The following SKOR2 variants were observed in gnomAD, a reference collection of about 807,000 sequenced individuals.
SKOR2 encodes the protein LBX1 corepressor 1-like protein.
Under a neutral mutation model 69.1 loss-of-function variants are expected in SKOR2, and 47 were observed. The ratio of observed to expected loss-of-function variants is 0.68; its 90% confidence interval spans 0.54 to 0.87. The LOEUF (loss-of-function observed/expected upper bound fraction) is 0.87, where lower values mean the gene tolerates loss of function less well. SKOR2 is among the 40% of genes least tolerant of loss of function. The probability of loss-of-function intolerance (pLI) is 0.00; values close to 1 mark genes in which losing one functional copy is unlikely to be tolerated. For synonymous variants in SKOR2, 717 were observed against 672.6 expected, an observed-to-expected ratio of 1.07 and a Z score of -1.02; for missense variants, 1,404 against 1,472.2, an observed-to-expected ratio of 0.95 and a Z score of 0.76.
chr18:47,246,544 T>C, intron 2 of SKOR2, 27 bp downstream of exon 2: 1 of 1,483,494 alleles, frequency 6.7e-7, no homozygotes, highest in Non-Finnish European at 8.9e-7. Flanking sequence ...AATAATTAGC[T>C]TGAAGGAGCC....
At chr18:47,231,564 C>A (rs1228819184) in intron 4 of SKOR2, among the ~76,000 whole-genome samples, 1 of 152,016 alleles carries the variant, frequency 6.6e-6, no homozygotes, top group Non-Finnish European at 1.5e-5. Context: ...ACAACTTGGG[C>A]CGGGCGCGGT....
chr18:47,228,365 T>C (rs760829924), intron 6 of SKOR2, among the ~76,000 whole-genome samples: 1 of 152,190 alleles, frequency 6.6e-6, no homozygotes, highest in Non-Finnish European at 1.5e-5. Context: ...TTAGTGCACA[T>C]CAAAATGATG....
At chr18:47,215,005 A>AT (rs398032713) in intron 7 of SKOR2, among the ~76,000 whole-genome samples, 2 of 151,758 alleles carry the variant, frequency 1.3e-5, no homozygotes, top group Non-Finnish European at 2.9e-5. Flanking sequence ...AAAAAAAAAA[A>AT]GTGACTTCCT....
At chr18:47,235,906 G>A (rs1460520183) in intron 4 of SKOR2, among the ~76,000 whole-genome samples, 1 of 151,736 alleles carries the variant, frequency 6.6e-6, no homozygotes, top group Non-Finnish European at 1.5e-5. Flanking sequence ...GGCTCCCTAT[G>A]GTCTCCATCA....
chr18:47,219,883 G>A lies in SKOR2; in HGVS notation c.2985+60C>T, dbSNP rs544053016. 9.3e-6 allele frequency: 13 copies of A among 1,398,954 alleles called. No homozygotes were observed. The East Asian group carries it at 2.7e-4, about 29-fold the overall frequency. The allele number at this position is 1,398,954 out of a possible 1,614,324, so 86.7% of individuals were successfully genotyped here. A position where few individuals can be genotyped will look rare whatever the true frequency, so the allele number is the denominator to read the frequency against. On this transcript the variant is annotated intron_variant, in intron 7 of 8. Coordinates refer to ENST00000425639, the MANE Select transcript of SKOR2 (RefSeq NM_001278063.4). ...AAACGTGAACAGTTTCATACATATT[G>A]GGTAGTCTGAAAACAAACCAATTAA...
intron 7 of SKOR2, among the ~76,000 whole-genome samples, chr18:47,219,038 A>T (rs966523587): frequency 6.6e-6 from 1 of 152,226 alleles, no homozygotes; most frequent in Non-Finnish European, 1.5e-5. Flanking sequence ...TGACAAAGGA[A>T]CTAGATATCT....
intron 6 of SKOR2, among the ~76,000 whole-genome samples, chr18:47,220,516 G>A (rs534447667): frequency 2.0e-5 from 3 of 152,062 alleles, no homozygotes; most frequent in Non-Finnish European, 2.9e-5. Context: ...GAATACTTCG[G>A]CCTGACTCCC....
intron 6 of SKOR2, among the ~76,000 whole-genome samples, chr18:47,228,678 A>G (rs79685692): frequency 0.014 from 2,094 of 152,316 alleles, 42 homozygotes; most frequent in African/African-American, 0.048. Context: ...AACGTATTCA[A>G]TGCCTCTCAT....
intron 6 of SKOR2, among the ~76,000 whole-genome samples, chr18:47,224,065 C>T (rs1356264451): frequency 6.6e-6 from 1 of 151,866 alleles, no homozygotes; most frequent in East Asian, 1.9e-4. Flanking sequence ...ACCACCATGC[C>T]TGGCTACTTT....
chr18:47,227,433 G>T (rs1364975677), intron 6 of SKOR2, among the ~76,000 whole-genome samples: 2 of 149,876 alleles, frequency 1.3e-5, no homozygotes, highest in African/African-American at 5.0e-5. Flanking sequence ...TGCCTCCCGG[G>T]TTCAAGTGAT....
intron 4 of SKOR2, among the ~76,000 whole-genome samples, chr18:47,233,974 T>C (rs752391242): frequency 1.4e-4 from 21 of 152,318 alleles, no homozygotes; most frequent in Non-Finnish European, 2.5e-4. Context: ...TGCATTGGCA[T>C]CTATTTCAAA....
intron 4 of SKOR2, among the ~76,000 whole-genome samples, chr18:47,239,909 C>T (rs920131354): frequency 2.0e-5 from 3 of 151,958 alleles, no homozygotes; most frequent in African/African-American, 7.2e-5. Context: ...CCTAATGTCA[C>T]CTAGTGAGGG....
chr18:47,248,994 G>A lies in SKOR2; in HGVS notation c.190C>T (p.Leu64=), dbSNP rs2064299987. 3 of 1,559,942 alleles carry A rather than the reference G, an allele frequency of 1.9e-6. No homozygotes were observed. Among genetic ancestry groups the A allele is most frequent in the South Asian group, 1.2e-5 (1 of 85,760 alleles). Residue 64 remains leucine, a synonymous_variant, in exon 2 of 9, where the codon CTG becomes TTG. Transcript: ENST00000425639. This position sits in a 1 kb window ranked among gnomAD's most constrained non-coding sequence, Gnocchi z 6.4. The stretch of plus-strand genomic sequence containing the variant: ...AGCAGAGTGTTGGAGATCTGCGCCA[G>A]GCACAGGCGCTCTTGCCCGTCGATC... The part of the protein sequence containing the change: ...LVIDGQERLC[L]AQISNTLLKN...
At chr18:47,220,464 T>C (rs1027780789) in intron 6 of SKOR2, among the ~76,000 whole-genome samples, 2 of 152,026 alleles carry the variant, frequency 1.3e-5, no homozygotes, top group Non-Finnish European at 1.5e-5. Context: ...CTGTGAAAAA[T>C]GCCTGCCTGG....
chr18:47,230,437 T>G lies in SKOR2; in HGVS notation c.2917+22A>C, dbSNP rs2064193269. The G allele has an allele frequency of 1.5e-6, 2 of 1,296,596 alleles. 1 individual carries two copies. Among genetic ancestry groups the G allele is most frequent in the African/African-American group, 3.0e-5 (2 of 66,238 alleles). 80.3% of individuals were successfully genotyped at this position (1,296,596 alleles called of 1,614,324 possible). A position where few individuals can be genotyped will look rare whatever the true frequency, so the allele number is the denominator to read the frequency against. On this transcript the variant is annotated intron_variant, in intron 6 of 8. Coordinates refer to ENST00000425639, the MANE Select transcript of SKOR2 (RefSeq NM_001278063.4). ...ACGTAATCAATTATCATAAATACAATGAAATAAAAGTGATTTCTTACTGAA... is the reference window on the plus strand; with the variant it reads ...ACGTAATCAATTATCATAAATACAAGGAAATAAAAGTGATTTCTTACTGAA...
chr18:47,222,376 G>T (rs1243642942), intron 6 of SKOR2, among the ~76,000 whole-genome samples: 2 of 152,056 alleles, frequency 1.3e-5, no homozygotes, highest in African/African-American at 4.8e-5. Context: ...TGGGCTTCAT[G>T]CACCCACTTG....
chr18:47,207,778 A>AT (rs1324203659), intron 8 of SKOR2, among the ~76,000 whole-genome samples: 2 of 152,202 alleles, frequency 1.3e-5, no homozygotes, highest in Admixed American at 1.3e-4. Context: ...CGTAGTAATT[A>AT]TTCCAGAAGT....
chr18:47,247,667 A>T lies in SKOR2; in HGVS notation c.1517T>A (p.Leu506Gln), dbSNP rs960450871. 5 of 1,368,150 alleles carry T rather than the reference A, an allele frequency of 3.7e-6. No individual in the cohort carries two copies. The highest frequency in any genetic ancestry group is 1.5e-5 in the African/African-American group (1 of 65,634). 84.8% of individuals were successfully genotyped at this position (1,368,150 alleles called of 1,614,324 possible). ...GCALGESPAL[L>Q]RQAFLDLAEP... The stretch of plus-strand genomic sequence containing the variant: ...AGCCAGGTCCAGGAAGGCCTGGCGC[A>T]GCAGGGCCGGGCTTTCGCCTAGCGC... Residue 506 changes from leucine (L) to glutamine (Q), a missense_variant, in exon 2 of 9, where the codon CTG becomes CAG. By Grantham distance (113) the Leu-to-Gln change is moderately radical. Coordinates refer to ENST00000425639, the MANE Select transcript of SKOR2 (RefSeq NM_001278063.4). The surrounding 1 kb of genome is among the most constrained non-coding windows in gnomAD (Gnocchi z 6.6).
In SKOR2 at chr18:47,245,478, AT is replaced by A. The variant is rs10670977; in HGVS notation, c.2677+19del. 0.16 allele frequency: 184,568 copies of A among 1,165,192 alleles called. 392 individuals are homozygous for A. The highest frequency in any genetic ancestry group is 0.21 in the East Asian group (6,917 of 32,900). 72.2% of individuals were successfully genotyped at this position (1,165,192 alleles called of 1,614,324 possible). A position where few individuals can be genotyped will look rare whatever the true frequency, so the allele number is the denominator to read the frequency against. On this transcript the variant is annotated intron_variant, in intron 3 of 8. Coordinates refer to ENST00000425639, the MANE Select transcript of SKOR2 (RefSeq NM_001278063.4). ...ATGCAGGCAAGAAAAGTGGCAGCTG[AT>A]TTTTTTTTTTTTTTTTACCTGAAAA...
Sources: allele counts gnomAD v4.1 joint callset (sites outside exome capture counted in the v4.1 genomes callset), GRCh38; gene constraint gnomAD v4.1.1; non-coding constraint Gnocchi (gnomAD v3.1); transcripts MANE v1.5; gene names NCBI Gene and HGNC (gene_info 2026-07-23, HGNC 2026-07-21).